The following MED27 variants were observed in gnomAD, a reference collection of about 807,000 sequenced individuals.
MED27 encodes the protein mediator complex subunit 27.
MED27 carries 30 observed loss-of-function variants against 38.2 expected under a neutral mutation model. The ratio of observed to expected loss-of-function variants is 0.79; its 90% CI spans 0.59 to 1.07. The LOEUF (loss-of-function observed/expected upper bound fraction) is 1.07. Among genes scored for constraint, MED27 ranks in the 50% least tolerant of loss-of-function variants. MED27 has a pLI of 0.00. For synonymous variants in MED27, 122 were observed against 153.5 expected (o/e 0.79, Z 1.52); for missense variants, 289 against 397.5 (o/e 0.73, Z 2.32).
intron 3 of MED27, among the ~76,000 whole-genome samples, chr9:131,955,886 A>T (rs1036650997): frequency 6.6e-6 from 1 of 152,232 alleles, no homozygotes; most frequent in Non-Finnish European, 1.5e-5. Flanking sequence ...TGGATCAAGC[A>T]TTATCCTGAT....
intron 3 of MED27, among the ~76,000 whole-genome samples, chr9:131,971,839 C>T (rs1831485218): frequency 6.6e-6 from 1 of 152,184 alleles, no homozygotes; most frequent in Non-Finnish European, 1.5e-5. Flanking sequence ...TATCTCTATA[C>T]AAAGGAGTCT....
At chr9:132,062,699 C>T (rs1237388129) in intron 2 of MED27, among the ~76,000 whole-genome samples, 3 of 151,918 alleles carry the variant, frequency 2.0e-5, no homozygotes, top group Admixed American at 6.6e-5. Flanking sequence ...CTCACTATAG[C>T]CTCAAACTCC....
At chr9:132,025,981 T>C (rs1005615879) in intron 2 of MED27, among the ~76,000 whole-genome samples, 1 of 152,158 alleles carries the variant, frequency 6.6e-6, no homozygotes, top group African/African-American at 2.4e-5. Flanking sequence ...TCCTGTGGAT[T>C]TGGGGAAGGG....
At chr9:131,911,277 G>C (rs1385567580) in intron 4 of MED27, among the ~76,000 whole-genome samples, 1 of 152,186 alleles carries the variant, frequency 6.6e-6, no homozygotes, top group Admixed American at 6.5e-5. Context: ...CTAAACATTA[G>C]GAGGATTTTG....
intron 2 of MED27, among the ~76,000 whole-genome samples, chr9:132,070,445 T>C (rs1290775221): frequency 6.6e-6 from 1 of 152,086 alleles, no homozygotes; most frequent in Non-Finnish European, 1.5e-5. Flanking sequence ...TAGTCCCTGC[T>C]ACTTGGGGGG....
intron 4 of MED27, among the ~76,000 whole-genome samples, chr9:131,909,510 A>T (rs1383368259): frequency 6.6e-6 from 1 of 152,234 alleles, no homozygotes; most frequent in African/African-American, 2.4e-5. Flanking sequence ...GGCAGATTCA[A>T]GTCCAGGTGA....
At chr9:131,918,892 T>C (rs769712206) in intron 4 of MED27, among the ~76,000 whole-genome samples, 2 of 152,216 alleles carry the variant, frequency 1.3e-5, no homozygotes, top group Admixed American at 6.5e-5. Flanking sequence ...CTAAGGCCTA[T>C]GACCAGCGTC....
chr9:131,900,852 T>A (rs185560282), intron 4 of MED27, among the ~76,000 whole-genome samples: 164 of 152,144 alleles, frequency 1.1e-3, no homozygotes, highest in Admixed American at 2.3e-3. Context: ...AAGTCTGATA[T>A]GTAGGCGCCC....
intron 2 of MED27, among the ~76,000 whole-genome samples, chr9:132,075,522 C>A (rs1314160995): frequency 6.6e-6 from 1 of 152,214 alleles, no homozygotes; most frequent in Non-Finnish European, 1.5e-5. Flanking sequence ...CATAACATTT[C>A]TTTTCCTTAA....
At chr9:131,907,045 T>C (rs1025153295) in intron 4 of MED27, among the ~76,000 whole-genome samples, 1 of 152,200 alleles carries the variant, frequency 6.6e-6, no homozygotes, top group Non-Finnish European at 1.5e-5. Context: ...TAATGAGTAG[T>C]GAGGATGACC....
At chr9:131,897,450 G>A (rs1829850983) in intron 4 of MED27, among the ~76,000 whole-genome samples, 1 of 152,220 alleles carries the variant, frequency 6.6e-6, no homozygotes, top group Admixed American at 6.5e-5. Flanking sequence ...AAACTTATGA[G>A]ACTGTTGGAA....
At chr9:131,978,734 G>A (rs1831664033) in intron 3 of MED27, among the ~76,000 whole-genome samples, 1 of 152,178 alleles carries the variant, frequency 6.6e-6, no homozygotes, top group South Asian at 2.1e-4. Flanking sequence ...GTTTCACTCT[G>A]CCCTGACATT....
At chr9:131,957,940 A>G (rs1312048688) in intron 3 of MED27, among the ~76,000 whole-genome samples, 4 of 151,540 alleles carry the variant, frequency 2.6e-5, no homozygotes, top group African/African-American at 9.7e-5. Context: ...CATTTAATCT[A>G]GAGTGACAGA....
At chr9:131,952,081 A>G (rs1831009368) in intron 3 of MED27, among the ~76,000 whole-genome samples, 1 of 152,232 alleles carries the variant, frequency 6.6e-6, no homozygotes, top group Non-Finnish European at 1.5e-5. Flanking sequence ...TCCCTCTGCC[A>G]TCCCGCACTG....
At chr9:131,988,382 G>C (rs1023133086) in intron 3 of MED27, among the ~76,000 whole-genome samples, 1 of 152,144 alleles carries the variant, frequency 6.6e-6, no homozygotes, top group Non-Finnish European at 1.5e-5. Flanking sequence ...AACCGCATGA[G>C]TCCACTTATA....
rs1838850416 is a variant in MED27, at chr9:131,872,289, C to T, written c.724-9149G>A. On this transcript the variant is annotated intron_variant, in intron 6 of 7. Transcript: ENST00000292035. This position sits in a 1 kb window ranked among gnomAD's most constrained non-coding sequence, Gnocchi z 5.6. ...GGGGAGCTGAGCTTGAACAGAGACG[C>T]TCTTCCTAACGCACCTGCTGAGGGC... Among the ~76,000 whole-genome samples, 1 of 152,236 alleles carries T rather than the reference C, an allele frequency of 6.6e-6. No homozygotes were observed. The highest frequency in any genetic ancestry group is 6.5e-5 in the Admixed American group (1 of 15,288).
rs1021241148 is a variant in MED27, at chr9:131,889,394, T to A, written c.681+4491A>T. Among the ~76,000 whole-genome samples the A allele has an allele frequency of 6.6e-6, 1 of 152,240 alleles. No homozygotes were observed. Among genetic ancestry groups the A allele is most frequent in the Non-Finnish European group, 1.5e-5 (1 of 68,048 alleles). ...AGTTAAATTCGAACGAGACACATTT[T>A]TTTTTCAGTTAAGTCTGACTGGTAT... On this transcript the variant is annotated intron_variant, in intron 5 of 7. Transcript: ENST00000292035. The surrounding 1 kb of genome is among the most constrained non-coding windows in gnomAD (Gnocchi z 4.2).
At chr9:132,006,868 C>T (rs1348576428) in intron 3 of MED27, among the ~76,000 whole-genome samples, 1 of 152,144 alleles carries the variant, frequency 6.6e-6, no homozygotes, top group African/African-American at 2.4e-5. Context: ...CTGTGATTCC[C>T]ACTGGTTTTA....
chr9:132,011,347 T>C (rs1023197334), intron 3 of MED27, among the ~76,000 whole-genome samples: 2 of 152,350 alleles, frequency 1.3e-5, no homozygotes, highest in Middle Eastern at 3.4e-3. Context: ...ACATTATTTT[T>C]TAATGTTTTT....
Sources: gnomAD v4.1 joint callset for allele counts (sites outside exome capture counted in the v4.1 genomes callset) on GRCh38, gnomAD v4.1.1 for gene constraint, Gnocchi (gnomAD v3.1) non-coding constraint, MANE v1.5 for transcripts, NCBI Gene and HGNC (gene_info 2026-07-23, HGNC 2026-07-21) for gene names.